Variants in HAS3 observed in about 807,000 individuals in gnomAD.
HAS3 encodes hyaluronan synthase 3, also known as HA synthase 3.
HAS3 carries 27 observed loss-of-function variants against 50.3 expected under a neutral mutation model. The observed-to-expected ratio is 0.54, with a 90% CI of 0.40 to 0.74. The LOEUF (loss-of-function observed/expected upper bound fraction) is 0.74. Among genes scored for constraint, HAS3 ranks in the 30% least tolerant of loss-of-function variants. The pLI, the probability that HAS3 is intolerant of heterozygous loss-of-function variation, is 0.00. For missense variants in HAS3, 517 were observed against 742.8 expected, an observed-to-expected ratio of 0.70 and a Z score of 3.53; for synonymous variants, 339 against 310.9, an observed-to-expected ratio of 1.09 and a Z score of -0.95.
At chr16:69,090,385 T>C in the HAS3 span, among the ~76,000 whole-genome samples, 1 of 152,330 alleles carries the variant, frequency 6.6e-6, no homozygotes, top group Non-Finnish European at 1.5e-5. Context: ...ACAAGTTTAA[T>C]GTATCTGTAG....
the HAS3 span, among the ~76,000 whole-genome samples, chr16:69,086,018 C>T: frequency 1.3e-5 from 2 of 151,778 alleles, no homozygotes; most frequent in East Asian, 3.9e-4. Flanking sequence ...CAGGTGTGCA[C>T]CACCATGCCT....
At chr16:69,086,939 A>G in the HAS3 span, among the ~76,000 whole-genome samples, 2 of 152,106 alleles carry the variant, frequency 1.3e-5, no homozygotes, top group Non-Finnish European at 2.9e-5. Context: ...CTTAAACGAA[A>G]TACACGGGAA....
At position 69,109,372 on chromosome 16, in the gene HAS3, T is replaced by C; in HGVS notation, c.1-24T>C. The stretch of plus-strand genomic sequence containing the variant: ...GAAATGCTGCCTCCTGCCTGACCCT[T>C]CATCTCCTGCCTTCTCTCGCCAGAT... On this transcript the variant is annotated intron_variant, in intron 1 of 3. Coordinates refer to ENST00000569188, the MANE Select transcript of HAS3 (RefSeq NM_001199280.2). This position sits in a 1 kb window ranked among gnomAD's most constrained non-coding sequence, Gnocchi z 5.3. 4 of 1,579,880 alleles carry C rather than the reference T, an allele frequency of 2.5e-6. No individual in the cohort carries two copies. The highest frequency in any genetic ancestry group is 3.4e-6 in the Non-Finnish European group (4 of 1,166,188).
chr16:69,112,357 A>C (rs911254600), intron 2 of HAS3, among the ~76,000 whole-genome samples: 30 of 152,134 alleles, frequency 2.0e-4, no homozygotes, highest in African/African-American at 6.5e-4. Flanking sequence ...AGGTGGGAAG[A>C]AGCACATATG....
Position 69,115,841 on chromosome 16 carries a change from G to C in HAS3, c.*575G>C. 1 of 985,908 alleles carries C rather than the reference G, an allele frequency of 1.0e-6. No homozygotes were observed. The highest frequency in any genetic ancestry group is 1.2e-6 in the Non-Finnish European group (1 of 829,990). 61.1% of individuals were successfully genotyped at this position (985,908 alleles called of 1,614,324 possible). A position where few individuals can be genotyped will look rare whatever the true frequency, so the allele number is the denominator to read the frequency against. ...GGTCCAGGAATGGTGCTTTATGTGA[G>C]ATACCCCACTCCACATCAACATTCC... On this transcript the variant is annotated 3_prime_UTR_variant, in exon 4 of 4. Coordinates refer to ENST00000569188, the MANE Select transcript of HAS3 (RefSeq NM_001199280.2).
At chr16:69,118,707 C>T (rs1021780891), downstream of HAS3, 14 of 650,152 alleles carry the variant, frequency 2.2e-5, no homozygotes, top group African/African-American at 7.3e-5. Context: ...TCAAGAAAAA[C>T]GCAAAGGAAA....
Position 69,117,462 on chromosome 16 carries a change from G to A in HAS3, c.*2196G>A, listed in dbSNP as rs563164781. On this transcript the variant is annotated 3_prime_UTR_variant, in exon 4 of 4. Coordinates refer to ENST00000569188, the MANE Select transcript of HAS3 (RefSeq NM_001199280.2). The stretch of plus-strand genomic sequence containing the variant: ...GTCTTCAGCTTTATCCCCGTTTCTT[G>A]CAAGGGAAGAGCCTTTATACAATTG... The A allele has an allele frequency of 1.0e-6, 1 of 985,610 alleles. No individual in the cohort carries two copies. Among genetic ancestry groups the A allele is most frequent in the South Asian group, 4.7e-5 (1 of 21,286 alleles). 61.1% of individuals were successfully genotyped at this position (985,610 alleles called of 1,614,324 possible). A position where few individuals can be genotyped will look rare whatever the true frequency, so the allele number is the denominator to read the frequency against.
rs1479666145 is a variant in HAS3, at chr16:69,117,368, CACA to C, written c.*2105_*2107del. 10 of 985,646 alleles carry C rather than the reference CACA, an allele frequency of 1.0e-5. No homozygotes were observed. The highest frequency in any genetic ancestry group is 1.2e-5 in the Non-Finnish European group (10 of 829,870). 61.1% of individuals were successfully genotyped at this position (985,646 alleles called of 1,614,324 possible). On this transcript the variant is annotated 3_prime_UTR_variant, in exon 4 of 4. Coordinates refer to ENST00000569188, the MANE Select transcript of HAS3 (RefSeq NM_001199280.2). ...AACAGGCAGGTACAGGTAGTGGGCT[CACA>C]ACGTTTGACCTCGACTGGTTTTTCT...
upstream of HAS3, among the ~76,000 whole-genome samples, chr16:69,103,003 A>ATATGTGTGTGTG (rs1491439164): frequency 7.2e-6 from 1 of 138,686 alleles, no homozygotes; most frequent in Non-Finnish European, 1.6e-5. Context: ...TGGAGTGTGC[A>ATATGTGTGTGTG]TGTGTGTGTG....
At chr16:69,093,590 A>ACAT in the HAS3 span, among the ~76,000 whole-genome samples, 1 of 128,692 alleles carries the variant, frequency 7.8e-6, no homozygotes, top group Non-Finnish European at 1.6e-5. Context: ...GAGTGCAATG[A>ACAT]CATGATCTCG....
chr16:69,087,615 G>A, the HAS3 span, among the ~76,000 whole-genome samples: 4 of 150,054 alleles, frequency 2.7e-5, no homozygotes, highest in Non-Finnish European at 5.9e-5. Context: ...GGCCAGGCTG[G>A]TCTTGAACTC....
rs375276638 is a variant in HAS3 at position 69,114,291 on chromosome 16, T to C, written c.739-52T>C. On this transcript the variant is annotated intron_variant, in intron 3 of 3. Coordinates refer to ENST00000569188, the MANE Select transcript of HAS3 (RefSeq NM_001199280.2). This position sits in a 1 kb window ranked among gnomAD's most constrained non-coding sequence, Gnocchi z 6.4. ...AGGAGGCCTCGTGGTCTCTGATGTC[T>C]GTCCTCCGGACGTGCAACCTTAGGA... 12 of 1,529,660 alleles carry C rather than the reference T, an allele frequency of 7.8e-6. No individual in the cohort carries two copies. The Admixed American group carries it at 9.7e-5, about 12-fold the overall frequency. The allele number at this position is 1,529,660 out of a possible 1,614,324, so 94.8% of individuals were successfully genotyped here.
At chr16:69,100,326 T>A in the HAS3 span, among the ~76,000 whole-genome samples, 1 of 152,170 alleles carries the variant, frequency 6.6e-6, no homozygotes, top group Non-Finnish European at 1.5e-5. Context: ...AAAGCCCTGT[T>A]TGGGCAGCTG....
rs755430445 is a variant in HAS3, at chr16:69,114,696, G to A, written c.1092G>A (p.Glu364=). The change falls in exon 4 of 4, where the codon GAG becomes GAA. Residue 364 remains glutamate (E), a synonymous_variant. Transcript: ENST00000569188. The surrounding 1 kb of genome is among the most constrained non-coding windows in gnomAD (Gnocchi z 6.4). The part of the protein sequence containing the change: ...QTRWSKSYFR[E]WLYNSLWFHK... Reference sequence around the variant, plus strand: ...GCTGGAGCAAGTCTTACTTCCGGGAGTGGCTCTACAACTCTCTGTGGTTCC... The same window carrying A: ...GCTGGAGCAAGTCTTACTTCCGGGAATGGCTCTACAACTCTCTGTGGTTCC... 3 of 1,614,178 alleles carry A rather than the reference G, an allele frequency of 1.9e-6. No individual in the cohort carries two copies. The highest frequency in any genetic ancestry group is 2.2e-5 in the South Asian group (2 of 91,076).
At chr16:69,085,530 C>G in the HAS3 span, among the ~76,000 whole-genome samples, 1 of 151,938 alleles carries the variant, frequency 6.6e-6, no homozygotes, top group Non-Finnish European at 1.5e-5. Flanking sequence ...CTCCTGAGTA[C>G]CTGGGATTAC....
At chr16:69,092,253 C>T in the HAS3 span, among the ~76,000 whole-genome samples, 6 of 152,188 alleles carry the variant, frequency 3.9e-5, no homozygotes, top group Non-Finnish European at 8.8e-5. Flanking sequence ...TTGCTGCTAC[C>T]GATACATAGA....
upstream of HAS3, among the ~76,000 whole-genome samples, chr16:69,102,553 CT>C (rs138951165): frequency 3.2e-3 from 482 of 152,328 alleles, 1 homozygote; most frequent in African/African-American, 1.0e-2. Context: ...CACCAGGTCC[CT>C]GGCCCTGCAG....
Position 69,114,452 on chromosome 16 carries a change from T to TAC in HAS3, c.848_849insAC (p.Ser284LeufsTer26), listed in dbSNP as rs1961112170. The TAC allele has an allele frequency of 1.9e-6, 3 of 1,613,842 alleles. No homozygotes were observed. The highest frequency in any genetic ancestry group is 2.5e-6 in the Non-Finnish European group (3 of 1,179,984). On this transcript the variant is annotated frameshift_variant, in exon 4 of 4. Coordinates refer to ENST00000569188, the MANE Select transcript of HAS3 (RefSeq NM_001199280.2). LOFTEE classifies it high-confidence loss of function. The surrounding 1 kb of genome is among the most constrained non-coding windows in gnomAD (Gnocchi z 6.4). ...TCCTACTTTGGCTGTGTGCAGTGTATTAGTGGGCCCTTGGGCATGTACCGC... is the reference window on the plus strand; with the variant it reads ...TCCTACTTTGGCTGTGTGCAGTGTATACTAGTGGGCCCTTGGGCATGTACCGC...
the HAS3 span, among the ~76,000 whole-genome samples, chr16:69,085,812 C>T: frequency 3.3e-5 from 5 of 151,406 alleles, no homozygotes; most frequent in African/African-American, 2.4e-5. Flanking sequence ...CTCCTGGCCT[C>T]AGGTGATCTG....
Sources: gnomAD v4.1 joint callset for allele counts (sites outside exome capture counted in the v4.1 genomes callset) on GRCh38, gnomAD v4.1.1 for gene constraint, Gnocchi (gnomAD v3.1) non-coding constraint, MANE v1.5 for transcripts, NCBI Gene and HGNC (gene_info 2026-07-23, HGNC 2026-07-21) for gene names.